Variants in DIP2C observed in about 807,000 individuals in gnomAD.
The protein encoded by DIP2C is disco-interacting protein 2 homolog C.
In DIP2C, 33 loss-of-function variants were observed where a neutral mutation model predicts 192.4. The observed-to-expected ratio is 0.17, with a 90% CI of 0.13 to 0.23. The LOEUF (loss-of-function observed/expected upper bound fraction) is 0.23, where lower values mean the gene tolerates loss of function less well. Among genes scored for constraint, DIP2C ranks in the 10% least tolerant of loss-of-function variants. DIP2C has a pLI of 1.00. For synonymous variants in DIP2C, 979 were observed against 864.1 expected, an observed-to-expected ratio of 1.13 and a Z score of -2.33; for missense variants, 1,537 against 2,110.1, an observed-to-expected ratio of 0.73 and a Z score of 5.32.
At chr10:630,549 T>C (rs1854459486) in intron 1 of DIP2C, 2 of 152,238 alleles carry the variant, frequency 1.3e-5, no homozygotes, top group South Asian at 4.1e-4. Flanking sequence ...AATTTTAAAA[T>C]TAGTTTTGTA....
chr10:614,956 CAAG>C (rs990585981), intron 1 of DIP2C, among the ~76,000 whole-genome samples: 3 of 152,180 alleles, frequency 2.0e-5, no homozygotes, highest in African/African-American at 7.2e-5. Context: ...AGCCAAGAGA[CAAG>C]AGACAATGAC....
intron 1 of DIP2C, among the ~76,000 whole-genome samples, chr10:492,641 G>A (rs1211403440): frequency 1.3e-5 from 2 of 152,162 alleles, no homozygotes; most frequent in Non-Finnish European, 2.9e-5. Context: ...TTTAATTAAC[G>A]GTAGGAGCAG....
chr10:327,448 T>C (rs965893312), intron 30 of DIP2C, among the ~76,000 whole-genome samples: 4 of 152,062 alleles, frequency 2.6e-5, no homozygotes, highest in Non-Finnish European at 5.9e-5. Flanking sequence ...AGGAAAAAGG[T>C]TGAGGAAAAG....
intron 1 of DIP2C, among the ~76,000 whole-genome samples, chr10:684,214 C>T (rs1053593884): frequency 6.6e-6 from 1 of 152,264 alleles, no homozygotes; most frequent in African/African-American, 2.4e-5. Context: ...ATCAGTGCTG[C>T]CACTGTGCAG....
intron 32 of DIP2C, among the ~76,000 whole-genome samples, chr10:296,493 A>T (rs1049507744): frequency 1.3e-5 from 2 of 152,166 alleles, no homozygotes; most frequent in Non-Finnish European, 1.5e-5. Context: ...TTCCTCAAGG[A>T]TCTAGAACTA....
chr10:489,429 G>A (rs975236445), intron 1 of DIP2C, among the ~76,000 whole-genome samples: 1 of 152,262 alleles, frequency 6.6e-6, no homozygotes, highest in African/African-American at 2.4e-5. Flanking sequence ...GGCAGGTGGT[G>A]GGAGGTGAGA....
At chr10:589,200 C>G (rs1358385128) in intron 1 of DIP2C, among the ~76,000 whole-genome samples, 1 of 152,180 alleles carries the variant, frequency 6.6e-6, no homozygotes, top group African/African-American at 2.4e-5. Flanking sequence ...CAGTCATGAG[C>G]TTTGGGAGTC....
chr10:605,096 G>A (rs933456335), intron 1 of DIP2C, among the ~76,000 whole-genome samples: 3 of 152,250 alleles, frequency 2.0e-5, no homozygotes, highest in Non-Finnish European at 4.4e-5. Context: ...GCGTGCCTGA[G>A]GTCCAGGGTC....
In DIP2C at chr10:348,744, G is replaced by A. The variant is rs1463296251; in HGVS notation, c.3128C>T (p.Ala1043Val). Reference sequence around the variant, plus strand: ...GCCTGCGTACAGGCAACCATAAAACGCTGCTATCAGGTCTATTCCTACACA... The same window carrying A: ...GCCTGCGTACAGGCAACCATAAAACACTGCTATCAGGTCTATTCCTACACA... ...VYPPGIDLIA[A>V]FYGCLYAGCV... Residue 1043 changes from alanine (A) to valine (V), a missense_variant, in exon 26 of 37, where the codon GCG becomes GTG. Around this residue, in one of 4 missense-constraint regions of DIP2C, gnomAD observed 677 missense variants for 989.9 expected, o/e 0.68. Transcript: ENST00000280886. The A allele has an allele frequency of 1.2e-6, 2 of 1,613,478 alleles. No homozygotes were observed. The highest frequency in any genetic ancestry group is 1.1e-5 in the South Asian group (1 of 90,976).
At chr10:562,609 T>G (rs1284367705) in intron 1 of DIP2C, among the ~76,000 whole-genome samples, 2 of 152,272 alleles carry the variant, frequency 1.3e-5, no homozygotes, top group African/African-American at 4.8e-5. Flanking sequence ...AATTAAAATT[T>G]CTACTTTAAA....
chr10:328,153 G>A (rs373205680), intron 30 of DIP2C, among the ~76,000 whole-genome samples: 72 of 152,314 alleles, frequency 4.7e-4, no homozygotes, highest in Admixed American at 1.6e-3. Context: ...CGCACAGCTC[G>A]AGCTGGCTTT....
intron 3 of DIP2C, among the ~76,000 whole-genome samples, chr10:445,301 G>A (rs1011967343): frequency 6.6e-6 from 1 of 152,062 alleles, no homozygotes; most frequent in Non-Finnish European, 1.5e-5. Flanking sequence ...TCTTGCACTG[G>A]ACATCTGTAT....
At chr10:393,405 T>C (rs1963650074) in intron 10 of DIP2C, among the ~76,000 whole-genome samples, 1 of 152,178 alleles carries the variant, frequency 6.6e-6, no homozygotes, top group Non-Finnish European at 1.5e-5. Flanking sequence ...GGCACACTTC[T>C]GAAAGGATGG....
chr10:617,558 T>C (rs1853553116), intron 1 of DIP2C, among the ~76,000 whole-genome samples: 1 of 152,010 alleles, frequency 6.6e-6, no homozygotes, highest in African/African-American at 2.4e-5. Context: ...GTGTCCTCTA[T>C]TCCCACTCCA....
intron 32 of DIP2C, among the ~76,000 whole-genome samples, chr10:289,196 C>T (rs900297989): frequency 2.6e-5 from 4 of 151,894 alleles, no homozygotes; most frequent in Non-Finnish European, 5.9e-5. Context: ...GACGACATGC[C>T]TCCCACCTGG....
chr10:416,080 T>C (rs1965616727), intron 6 of DIP2C, among the ~76,000 whole-genome samples, 192 bp from the exon 7 acceptor site: 1 of 151,618 alleles, frequency 6.6e-6, no homozygotes, highest in African/African-American at 2.4e-5. Flanking sequence ...CGGACAGAGA[T>C]ACATCGGACC....
intron 26 of DIP2C, among the ~76,000 whole-genome samples, chr10:345,337 G>T (rs937432764): frequency 7.6e-6 from 1 of 132,152 alleles, no homozygotes; most frequent in African/African-American, 2.9e-5. Flanking sequence ...TGCACTTCCT[G>T]GGCCCAGTGC....
chr10:466,892 G>T (rs1970249685), intron 3 of DIP2C, among the ~76,000 whole-genome samples: 1 of 144,178 alleles, frequency 6.9e-6, no homozygotes, highest in African/African-American at 2.5e-5. Context: ...AACAGGTGCT[G>T]GAGAGGATGT....
chr10:548,133 C>T (rs1304341273), intron 1 of DIP2C, among the ~76,000 whole-genome samples: 2 of 152,052 alleles, frequency 1.3e-5, no homozygotes, highest in East Asian at 3.9e-4. Flanking sequence ...CCCCTGTCCC[C>T]ACCTCTGCCC....
Sources: gnomAD v4.1 joint callset for allele counts (sites outside exome capture counted in the v4.1 genomes callset) on GRCh38, gnomAD v4.1.1 for gene constraint, gnomAD v4.1.1 regional missense constraint, MANE v1.5 for transcripts, NCBI Gene and HGNC (gene_info 2026-07-23, HGNC 2026-07-21) for gene names.